Variants in ME1 observed in about 807,000 individuals in gnomAD.
The protein encoded by ME1 is NADP-dependent malic enzyme.
ME1 carries 74 observed loss-of-function variants against 66.4 expected under a neutral mutation model. The observed-to-expected ratio is 1.11, with a 90% CI of 0.92 to 1.35. The LOEUF is 1.35. Ranked by LOEUF, ME1 falls within the 40% of genes most tolerant of loss-of-function variation. ME1 has a pLI of 0.00. For synonymous variants in ME1, 251 were observed against 235.6 expected (o/e 1.07, Z -0.60); for missense variants, 750 against 694.1 (o/e 1.08, Z -0.90).
chr6:83,284,642 T>A (rs1767363796), intron 6 of ME1, among the ~76,000 whole-genome samples: 1 of 151,976 alleles, frequency 6.6e-6, no homozygotes, highest in Non-Finnish European at 1.5e-5. Context: ...TTCAATAAAA[T>A]CCAACATCCC....
At chr6:83,290,671 G>A (rs543137423) in intron 6 of ME1, among the ~76,000 whole-genome samples, 86 of 152,232 alleles carry the variant, frequency 5.6e-4, no homozygotes, top group Non-Finnish European at 9.4e-4. Context: ...TTCAAGTCCT[G>A]GATATCCTTG....
intron 5 of ME1, among the ~76,000 whole-genome samples, chr6:83,322,213 G>T (rs574270677): frequency 6.6e-6 from 1 of 152,256 alleles, no homozygotes; most frequent in South Asian, 2.1e-4. Context: ...AGCACAAAAA[G>T]GCTGAAAATT....
rs531930412 is a variant in ME1 at position 83,367,468 on chromosome 6, G to A, written c.363-15329C>T. 5.9e-5 allele frequency among the ~76,000 whole-genome samples: 9 copies of A among 152,188 alleles called. No individual in the cohort carries two copies. The South Asian group carries it at 8.3e-4, about 14-fold the overall frequency. ...GCATCTTCTTCCAATAGAAGGCTGC[G>A]GTGTCTCCATTGAAAATCTGTTGTT... On this transcript the variant is annotated intron_variant, in intron 3 of 13. Coordinates refer to ENST00000369705, the MANE Select transcript of ME1 (RefSeq NM_002395.6).
At chr6:83,345,638 T>A (rs1328295397) in intron 5 of ME1, among the ~76,000 whole-genome samples, 1 of 152,130 alleles carries the variant, frequency 6.6e-6, no homozygotes, top group Non-Finnish European at 1.5e-5. Context: ...GAATTCTATG[T>A]TTAACTTCTA....
chr6:83,223,890 G>A lies in ME1; in HGVS notation c.1319C>T (p.Thr440Ile), dbSNP rs183307268. The stretch of plus-strand genomic sequence containing the variant: ...ATATAGGGTCTGTCCATTTGGAAGA[G>A]TGACTGGATCAAAAGGACTGCCACT... ...FASGSPFDPV[T>I]LPNGQTLYPG... The change falls in exon 12 of 14, where the codon ACT becomes ATT. Residue 440 changes from threonine (T) to isoleucine (I), a missense_variant. Transcript: ENST00000369705. 3.4e-5 allele frequency: 55 copies of A among 1,614,074 alleles called. No individual in the cohort carries two copies. The East Asian group carries it at 1.1e-3, about 31-fold the overall frequency.
At chr6:83,293,061 T>C (rs1767533383) in intron 6 of ME1, among the ~76,000 whole-genome samples, 2 of 152,232 alleles carry the variant, frequency 1.3e-5, no homozygotes, top group South Asian at 4.1e-4. Flanking sequence ...CAGCTTCCCT[T>C]GGCTAGGAAA....
At chr6:83,346,757 G>C (rs1039476352) in intron 4 of ME1, among the ~76,000 whole-genome samples, 2 of 152,060 alleles carry the variant, frequency 1.3e-5, no homozygotes, top group Non-Finnish European at 2.9e-5. Context: ...TAAATGCTCT[G>C]ATCTTCAGTT....
At chr6:83,243,328 AATATAAT>A in intron 7 of ME1, among the ~76,000 whole-genome samples, 1 of 140,052 alleles carries the variant, frequency 7.1e-6, no homozygotes, top group East Asian at 2.0e-4. Flanking sequence ...AATTATATAA[AATATAAT>A]TATATTATAT....
intron 5 of ME1, among the ~76,000 whole-genome samples, chr6:83,332,449 T>C (rs922321539): frequency 6.6e-6 from 1 of 152,204 alleles, no homozygotes; most frequent in Non-Finnish European, 1.5e-5. Flanking sequence ...AAAAGACACC[T>C]GCACATGTAT....
At chr6:83,261,141 A>G (rs1387248743) in intron 6 of ME1, among the ~76,000 whole-genome samples, 1 of 152,120 alleles carries the variant, frequency 6.6e-6, no homozygotes, top group Non-Finnish European at 1.5e-5. Context: ...TGACTTTTTA[A>G]TAATAGCCAT....
chr6:83,239,497 AT>A (rs765564249), intron 8 of ME1, 41 bp downstream of exon 8: 2 of 1,315,550 alleles, frequency 1.5e-6, no homozygotes, highest in Non-Finnish European at 2.2e-6. Context: ...CACTAATTAT[AT>A]GTTAGTTTAG....
chr6:83,327,660 A>C (rs371454284), intron 5 of ME1, among the ~76,000 whole-genome samples: 21 of 152,128 alleles, frequency 1.4e-4, no homozygotes, highest in African/African-American at 5.1e-4. Context: ...AGCAATTTTA[A>C]TTTCGCCTCG....
At chr6:83,332,296 C>T (rs1337132938) in intron 5 of ME1, among the ~76,000 whole-genome samples, 1 of 152,140 alleles carries the variant, frequency 6.6e-6, no homozygotes, top group African/African-American at 2.4e-5. Flanking sequence ...AAAACTTATA[C>T]ACTGTTATTG....
At chr6:83,388,091 C>CTTTCTTTTTTTTTTTTTTT (rs71545856) in intron 3 of ME1, among the ~76,000 whole-genome samples, 3 of 133,394 alleles carry the variant, frequency 2.2e-5, no homozygotes, top group African/African-American at 8.3e-5. Flanking sequence ...TCCTTCCTTC[C>CTTTCTTTTTTTTTTTTTTT]TTTTTTTTTT....
At chr6:83,374,396 C>G (rs907134561) in intron 3 of ME1, among the ~76,000 whole-genome samples, 1 of 152,184 alleles carries the variant, frequency 6.6e-6, no homozygotes, top group Non-Finnish European at 1.5e-5. Context: ...ACATAAATGT[C>G]TTCCTTTGAG....
chr6:83,214,104 T>C (rs952299240), intron 13 of ME1, among the ~76,000 whole-genome samples: 2 of 152,162 alleles, frequency 1.3e-5, no homozygotes, highest in African/African-American at 4.8e-5. Flanking sequence ...TGCAACAATA[T>C]TACCACATTC....
chr6:83,299,168 A>AAT (rs1187668167), intron 6 of ME1, among the ~76,000 whole-genome samples: 1 of 151,662 alleles, frequency 6.6e-6, no homozygotes, highest in Non-Finnish European at 1.5e-5. Flanking sequence ...AATAGCATTG[A>AAT]ATTTATAAAT....
chr6:83,364,627 C>T (rs544294982), intron 3 of ME1, among the ~76,000 whole-genome samples: 3 of 152,222 alleles, frequency 2.0e-5, no homozygotes, highest in Admixed American at 6.5e-5. Flanking sequence ...TTGCTGCTTC[C>T]AGGCCAACCC....
At chr6:83,344,256 A>T (rs1768644245) in intron 5 of ME1, among the ~76,000 whole-genome samples, 1 of 150,374 alleles carries the variant, frequency 6.7e-6, no homozygotes, top group South Asian at 2.1e-4. Context: ...ACTGCACTAC[A>T]GCCTGGGTGG....
Sources: gnomAD v4.1 joint callset for allele counts (sites outside exome capture counted in the v4.1 genomes callset) on GRCh38, gnomAD v4.1.1 for gene constraint, MANE v1.5 for transcripts, NCBI Gene and HGNC (gene_info 2026-07-23, HGNC 2026-07-21) for gene names.